GALC: variants seen among roughly 807,000 people sequenced by gnomAD.
The protein encoded by GALC is galactocerebrosidase.
Under a neutral mutation model 91.8 loss-of-function variants are expected in GALC, and 77 were observed. The observed-to-expected ratio is 0.84, with a 90% CI of 0.70 to 1.01. The LOEUF (loss-of-function observed/expected upper bound fraction) is 1.01, where lower values mean the gene tolerates loss of function less well. Ranked by LOEUF, GALC falls within the 50% of genes least tolerant of loss-of-function variation. The pLI is 0.00. For missense variants in GALC, 882 were observed against 855.9 expected (o/e 1.03, Z -0.38); for synonymous variants, 357 against 306.7 (o/e 1.16, Z -1.71).
Position 87,936,916 on chromosome 14 carries a change from ATT to A in GALC, c.1912-2040_1912-2039del, listed in dbSNP as rs1555378211. 2.6e-3 allele frequency among the ~76,000 whole-genome samples: 362 copies of A among 139,568 alleles called. 36 individuals carry two copies. The highest frequency in any genetic ancestry group is 8.8e-3 in the African/African-American group (321 of 36,358). 91.6% of individuals were successfully genotyped at this position (139,568 alleles called of 152,430 possible). ...AGGTACTATATATATATATATATTT[ATT>A]TATTTTCTCATTGAATCTTCATAAG... On this transcript the variant is annotated intron_variant, in intron 16 of 16. Transcript: ENST00000261304.
rs1490659102 is a variant in GALC, at chr14:87,975,382, TATAAG to T, written c.752+971_752+975del. ...GGATCTAGATTCAATCAAATAAAAC[TATAAG>T]ATAATAATGGATATTTAATATCAAA... On this transcript the variant is annotated intron_variant, in intron 7 of 16. Coordinates refer to ENST00000261304, the MANE Select transcript of GALC (RefSeq NM_000153.4). Among the ~76,000 whole-genome samples, 7 of 149,364 alleles carry T rather than the reference TATAAG, an allele frequency of 4.7e-5. No individual in the cohort carries two copies. In the East Asian group the frequency reaches 5.8e-4, roughly 12 times the overall value.
At chr14:87,953,354 A>G (rs1299846799) in intron 10 of GALC, 9 of 1,416,948 alleles carry the variant, frequency 6.4e-6, no homozygotes, top group Non-Finnish European at 8.9e-6. Context: ...ATATCTGAAG[A>G]GAATTCCATT....
At chr14:87,993,663 C>T (rs1410916956), upstream of GALC, 5 of 603,976 alleles carry the variant, frequency 8.3e-6, no homozygotes, top group African/African-American at 7.4e-5. Flanking sequence ...AGTTAATAAG[C>T]ACTCAGTACA....
At chr14:87,954,889 C>G in intron 10 of GALC, 1 of 1,590,190 alleles carries the variant, frequency 6.3e-7, no homozygotes, top group Non-Finnish European at 8.6e-7. Context: ...ATACTATAGG[C>G]CAGCTTTAAT....
intron 10 of GALC, chr14:87,955,334 A>C (rs1885487025): frequency 1.7e-6 from 1 of 588,958 alleles, no homozygotes; most frequent in Non-Finnish European, 3.0e-6. Context: ...AATTTCAATT[A>C]AAACTTTTTT....
At chr14:87,936,362 C>T (rs912000221) in intron 16 of GALC, among the ~76,000 whole-genome samples, 5 of 151,934 alleles carry the variant, frequency 3.3e-5, no homozygotes, top group Admixed American at 3.3e-4. Context: ...TACATGCCAA[C>T]CGCCCTTTTT....
At chr14:87,981,275 G>C (rs1259159140) in intron 6 of GALC, 4 of 142,708 alleles carry the variant, frequency 2.8e-5, no homozygotes, top group Non-Finnish European at 1.5e-5. Flanking sequence ...AAAGGCATAA[G>C]AATGATACAA....
intron 10 of GALC, chr14:87,959,427 T>C (rs547088919): frequency 6.6e-6 from 1 of 152,076 alleles, no homozygotes; most frequent in Non-Finnish European, 1.5e-5. Flanking sequence ...TCCTAAAAAA[T>C]TAAAAATAGG....
intron 10 of GALC, among the ~76,000 whole-genome samples, chr14:87,962,722 T>C (rs1885860704): frequency 1.3e-5 from 2 of 152,090 alleles, no homozygotes; most frequent in Admixed American, 1.3e-4. Flanking sequence ...CTGCTGACTA[T>C]ATGCACTTCC....
intron 16 of GALC, among the ~76,000 whole-genome samples, chr14:87,939,620 A>G (rs538625174): frequency 8.9e-4 from 135 of 152,040 alleles, no homozygotes; most frequent in African/African-American, 3.2e-3. Context: ...ACTTGAAAAA[A>G]ATAGTTCAAT....
chr14:87,960,046 T>G (rs1345375337), intron 10 of GALC, among the ~76,000 whole-genome samples: 1 of 151,854 alleles, frequency 6.6e-6, no homozygotes, highest in Admixed American at 6.6e-5. Context: ...AAATACCTCA[T>G]GATCACACTT....
intron 8 of GALC, among the ~76,000 whole-genome samples, chr14:87,967,180 C>G (rs78106580): frequency 0.11 from 17,209 of 152,210 alleles, 1,143 homozygotes; most frequent in Non-Finnish European, 0.16. Flanking sequence ...CTAATGTCGT[C>G]TCAAGTGAAA....
chr14:87,993,503 A>G (rs1375618214), upstream of GALC: 10 of 1,525,694 alleles, frequency 6.6e-6, no homozygotes, highest in South Asian at 1.2e-5. Context: ...CCAGCATCTC[A>G]GGGAGTATCT....
chr14:87,945,868 G>A (rs1885052195), intron 13 of GALC, 135 bp from the exon 14 acceptor site: 1 of 676,498 alleles, frequency 1.5e-6, no homozygotes, highest in African/African-American at 1.8e-5. Flanking sequence ...AAAGTTTAGG[G>A]CCTAGGTCTA....
chr14:87,992,920 CG>C, intron 1 of GALC, 49 bp downstream of exon 1: 1 of 1,478,734 alleles, frequency 6.8e-7, no homozygotes, highest in African/African-American at 1.5e-5. Context: ...GCTGGCCCCA[CG>C]GGGCGGGCTC....
chr14:87,945,466 A>G (rs1261893418), intron 14 of GALC, 87 bp downstream of exon 14: 5 of 952,888 alleles, frequency 5.2e-6, no homozygotes, highest in Admixed American at 5.1e-5. Context: ...AAATAGGAGG[A>G]CCATTGAAAA....
chr14:87,992,584 T>G, intron 1 of GALC: 1 of 1,465,860 alleles, frequency 6.8e-7, no homozygotes. Context: ...GCTCCCGCAC[T>G]CCCTGGCCCT....
chr14:87,951,553 A>T (rs56320641), intron 10 of GALC, among the ~76,000 whole-genome samples: 17,155 of 151,884 alleles, frequency 0.11, 1,149 homozygotes, highest in Non-Finnish European at 0.16. Flanking sequence ...TTTCAAGCGC[A>T]CATGGAACAC....
chr14:87,960,269 G>A (rs1000380667), intron 10 of GALC, among the ~76,000 whole-genome samples: 5 of 152,134 alleles, frequency 3.3e-5, no homozygotes, highest in African/African-American at 1.2e-4. Flanking sequence ...GCTGGGAAGG[G>A]AAGGACAGGA....
Sources: gnomAD v4.1 joint callset for allele counts (sites outside exome capture counted in the v4.1 genomes callset) on GRCh38, gnomAD v4.1.1 for gene constraint, MANE v1.5 for transcripts, NCBI Gene and HGNC (gene_info 2026-07-23, HGNC 2026-07-21) for gene names.